Variants in USP54 observed in about 807,000 individuals in gnomAD.
USP54 encodes the protein ubiquitin specific peptidase 54, also known as ubiquitin carboxyl-terminal hydrolase 54.
Under a neutral mutation model 170.5 loss-of-function variants are expected in USP54, and 87 were observed. The ratio of observed to expected loss-of-function variants is 0.51; its 90% CI spans 0.43 to 0.61. USP54 has a LOEUF of 0.61. USP54 is among the 20% of genes least tolerant of loss of function. The pLI is 0.00. For synonymous variants in USP54, 655 were observed against 742.8 expected, an observed-to-expected ratio of 0.88 and a Z score of 1.92; for missense variants, 1,786 against 2,047.8, an observed-to-expected ratio of 0.87 and a Z score of 2.47.
intron 20 of USP54, among the ~76,000 whole-genome samples, chr10:73,508,674 T>TG (rs2059633512): frequency 6.6e-6 from 1 of 151,732 alleles, no homozygotes; most frequent in African/African-American, 2.4e-5. Context: ...GAACATGTTT[T>TG]TTTTTTTTTT....
At position 73,520,928 on chromosome 10, in the gene USP54, G is replaced by A. The variant is rs1323406242; in HGVS notation, c.2462C>T (p.Ala821Val). 1.2e-6 allele frequency: 2 copies of A among 1,614,156 alleles called. No individual in the cohort carries two copies. The highest frequency in any genetic ancestry group is 1.7e-6 in the Non-Finnish European group (2 of 1,180,044). ...CTTACAGATAGCTTCATTACAGAGA[G>A]CCAAAGCTGCAGCACAGTCTCCTTT... Reference protein sequence around the residue: ...EQKGDCAAALALCNEAISKLR... With the variant: ...EQKGDCAAALVLCNEAISKLR... Residue 821 changes from alanine to valine, a missense_variant, in exon 18 of 24, where the codon GCT (alanine) becomes GTT (valine). Ala to Val is a moderately conservative substitution (Grantham distance 64). Coordinates refer to ENST00000687698, the MANE Select transcript of USP54 (RefSeq NM_001391956.1).
At chr10:73,515,234 A>G (rs1011930377) in intron 20 of USP54, among the ~76,000 whole-genome samples, 2 of 152,098 alleles carry the variant, frequency 1.3e-5, no homozygotes, top group Non-Finnish European at 2.9e-5. Context: ...TCCAAGTTCA[A>G]TTTCACAGAA....
At chr10:73,543,608 C>T (rs1160387035) in intron 5 of USP54, among the ~76,000 whole-genome samples, 3 of 152,152 alleles carry the variant, frequency 2.0e-5, no homozygotes, top group Admixed American at 6.6e-5. Flanking sequence ...CCTCGTGATC[C>T]GCCCGCCCCA....
Position 73,512,707 on chromosome 10 carries a change from A to G in USP54, c.4051+3668T>C, listed in dbSNP as rs538857501. 5.9e-5 allele frequency among the ~76,000 whole-genome samples: 9 copies of G among 152,014 alleles called. No homozygotes were observed. The South Asian group carries it at 8.3e-4, about 14-fold the overall frequency. ...CGCTTGATTTGATAAATATATTGAG[A>G]ATAGATTGACTACTAGATAGATTTT... On this transcript the variant is annotated intron_variant, in intron 20 of 23. Coordinates refer to ENST00000687698, the MANE Select transcript of USP54 (RefSeq NM_001391956.1).
chr10:73,558,328 T>C (rs1474612471), intron 4 of USP54, among the ~76,000 whole-genome samples: 1 of 152,092 alleles, frequency 6.6e-6, no homozygotes, highest in Non-Finnish European at 1.5e-5. Flanking sequence ...TAGTATCAAG[T>C]AACACAGAAA....
intron 4 of USP54, among the ~76,000 whole-genome samples, chr10:73,556,263 A>G (rs1314373971): frequency 2.0e-5 from 3 of 152,184 alleles, no homozygotes; most frequent in African/African-American, 7.2e-5. Flanking sequence ...TGACTAAAGA[A>G]CAATGAAGAA....
intron 1 of USP54, among the ~76,000 whole-genome samples, chr10:73,597,607 A>T (rs1419357777): frequency 6.6e-6 from 1 of 151,640 alleles, no homozygotes; most frequent in Non-Finnish European, 1.5e-5. Flanking sequence ...AGCCTTAAAA[A>T]CCCCAATCCT....
At position 73,534,649 on chromosome 10, in the gene USP54, G is replaced by A; in HGVS notation, c.1266C>T (p.Val422=). ...SHFSSDSQGT[V]IYNVENDSMS... ...TGGAATCATTTTCCACATTATAGAT[G>A]ACTGTCCCCTGAGAATCAGAAGAGA... is the stretch of plus-strand genomic sequence containing the variant. The change falls in exon 12 of 24, where the codon GTC becomes GTT. Residue 422 remains valine, a synonymous_variant. Transcript: ENST00000687698. 1 of 1,614,160 alleles carries A rather than the reference G, an allele frequency of 6.2e-7. No homozygotes were observed.
chr10:73,527,405 G>A (rs1231765330), intron 15 of USP54, among the ~76,000 whole-genome samples: 1 of 151,604 alleles, frequency 6.6e-6, no homozygotes, highest in Non-Finnish European at 1.5e-5. Flanking sequence ...GGCTGAGGCA[G>A]GAGAATCGCT....
At chr10:73,586,278 T>G (rs887991381) in intron 1 of USP54, among the ~76,000 whole-genome samples, 1 of 152,220 alleles carries the variant, frequency 6.6e-6, no homozygotes, top group South Asian at 2.1e-4. Context: ...CTGGAATGCC[T>G]TTCCTCTCCA....
At chr10:73,536,193 A>T (rs906461226) in intron 11 of USP54, 76 bp downstream of exon 11, 3 of 1,559,740 alleles carry the variant, frequency 1.9e-6, no homozygotes, top group African/African-American at 2.7e-5. Context: ...AGCTAAGCAC[A>T]TAATTAACTA....
intron 12 of USP54, among the ~76,000 whole-genome samples, chr10:73,531,776 C>A (rs1360494858): frequency 6.6e-6 from 1 of 152,184 alleles, no homozygotes; most frequent in African/African-American, 2.4e-5. Flanking sequence ...CTGGGAAAAC[C>A]AGGAGAGCTG....
chr10:73,555,222 G>A (rs2070673017), intron 4 of USP54, among the ~76,000 whole-genome samples: 1 of 152,204 alleles, frequency 6.6e-6, no homozygotes, highest in Non-Finnish European at 1.5e-5. Flanking sequence ...GGGGAAGGCA[G>A]AGAAGAGCTG....
At chr10:73,518,967 G>C (rs915266660) in intron 19 of USP54, 5 of 151,716 alleles carry the variant, frequency 3.3e-5, no homozygotes, top group African/African-American at 1.2e-4. Context: ...CAAATAATCT[G>C]CCCTCCTCGG....
At chr10:73,508,456 G>A (rs532641718) in intron 20 of USP54, among the ~76,000 whole-genome samples, 1 of 151,594 alleles carries the variant, frequency 6.6e-6, no homozygotes, top group Admixed American at 6.6e-5. Context: ...CATTTGTAAG[G>A]GAATTTCTAG....
chr10:73,545,418 C>A, intron 5 of USP54, 120 bp downstream of exon 5: 1 of 1,308,898 alleles, frequency 7.6e-7, no homozygotes, highest in Non-Finnish European at 1.1e-6. Flanking sequence ...TCAGAGAAAA[C>A]TCCTAGTTCT....
At chr10:73,608,014 C>CCTAT (rs1646695864) in intron 1 of USP54, among the ~76,000 whole-genome samples, 1 of 152,086 alleles carries the variant, frequency 6.6e-6, no homozygotes, top group Admixed American at 6.6e-5. Flanking sequence ...ATAATCCCAG[C>CCTAT]AATTTGGGAG....
chr10:73,530,616 A>T (rs914941749), intron 13 of USP54, 88 bp downstream of exon 13: 1 of 1,579,498 alleles, frequency 6.3e-7, no homozygotes, highest in Non-Finnish European at 8.6e-7. Context: ...AGCCCTCTGA[A>T]CAGAAAGGAG....
intron 13 of USP54, 66 bp downstream of exon 13, chr10:73,530,638 C>G: frequency 6.3e-7 from 1 of 1,599,752 alleles, no homozygotes; most frequent in African/African-American, 1.3e-5. Context: ...AGCCAACAGT[C>G]TGGAGCATGA....
Sources: gnomAD v4.1 joint callset for allele counts (sites outside exome capture counted in the v4.1 genomes callset) on GRCh38, gnomAD v4.1.1 for gene constraint, MANE v1.5 for transcripts, NCBI Gene and HGNC (gene_info 2026-07-23, HGNC 2026-07-21) for gene names.